SLC29A4: variants seen among roughly 807,000 people sequenced by gnomAD.
The protein encoded by SLC29A4 is equilibrative nucleoside transporter 4.
SLC29A4 carries 36 observed loss-of-function variants against 43.9 expected under a neutral mutation model. The observed-to-expected ratio is 0.82, with a 90% CI of 0.63 to 1.08. The LOEUF (loss-of-function observed/expected upper bound fraction) is 1.08, where lower values mean the gene tolerates loss of function less well. SLC29A4 is among the 50% of genes least tolerant of loss of function. The pLI, the probability that SLC29A4 is intolerant of heterozygous loss-of-function variation, is 0.00. For missense variants in SLC29A4, 869 were observed against 755.3 expected (o/e 1.15, Z -1.77); for synonymous variants, 491 against 338.0 (o/e 1.45, Z -4.97).
rs1338478731 is a variant in SLC29A4 at position 5,305,893 on chromosome 7, A to C, written c.*2954A>C. 1 of 147,274 alleles carries C rather than the reference A, an allele frequency of 6.8e-6. No homozygotes were observed. Among genetic ancestry groups the C allele is most frequent in the East Asian group, 2.0e-4 (1 of 4,920 alleles). 9.1% of individuals were successfully genotyped at this position (147,274 alleles called of 1,614,324 possible). A position where few individuals can be genotyped will look rare whatever the true frequency, so the allele number is the denominator to read the frequency against. On this transcript the variant is annotated 3_prime_UTR_variant, in exon 11 of 11. Transcript: ENST00000396872. The stretch of plus-strand genomic sequence containing the variant: ...AGATGGAATCTCGTTATGTCACCCC[A>C]GCTGGAGGGCAGTGGCACGATCTCA...
chr7:5,303,320 C>T lies in SLC29A4; in HGVS notation c.*381C>T. 6.8e-6 allele frequency: 2 copies of T among 295,092 alleles called. No individual in the cohort carries two copies. Among genetic ancestry groups the T allele is most frequent in the South Asian group, 7.3e-5 (2 of 27,506 alleles). The allele number at this position is 295,092 out of a possible 1,614,324, so 18.3% of individuals were successfully genotyped here. ...GAGTGTGCGCGCCCAGTGACTGCAC[C>T]CCGGCCCTCATCACCCACCGGCACT... On this transcript the variant is annotated 3_prime_UTR_variant, in exon 11 of 11. Coordinates refer to ENST00000396872, the MANE Select transcript of SLC29A4 (RefSeq NM_153247.4).
chr7:5,302,992 G>A lies in SLC29A4; in HGVS notation c.*53G>A, dbSNP rs937670280. The A allele has an allele frequency of 3.8e-6, 6 of 1,564,154 alleles. No homozygotes were observed. The East Asian group carries it at 1.2e-4, about 31-fold the overall frequency. On this transcript the variant is annotated 3_prime_UTR_variant, in exon 11 of 11. Coordinates refer to ENST00000396872, the MANE Select transcript of SLC29A4 (RefSeq NM_153247.4). ...CGAGGGCCTGACCAGGGGCCCCGAG[G>A]CCTGAGGGCCCCTCCCCTGTCCCCA...
chr7:5,285,926 C>G (rs145317623), intron 1 of SLC29A4, among the ~76,000 whole-genome samples: 37 of 152,282 alleles, frequency 2.4e-4, no homozygotes, highest in African/African-American at 8.9e-4. Flanking sequence ...GGGAGGATCA[C>G]TTCAGCCTGA....
Position 5,303,252 on chromosome 7 carries a change from T to C in SLC29A4, c.*313T>C. On this transcript the variant is annotated 3_prime_UTR_variant, in exon 11 of 11. Coordinates refer to ENST00000396872, the MANE Select transcript of SLC29A4 (RefSeq NM_153247.4). The stretch of plus-strand genomic sequence containing the variant: ...CCAGCCCAGCCAGCACTCTGCAGGG[T>C]CACACGCACCGTGTCCCCACCCAGG... The C allele has an allele frequency of 2.2e-6, 1 of 461,276 alleles. No homozygotes were observed. The highest frequency in any genetic ancestry group is 3.7e-5 in the Admixed American group (1 of 26,922). 28.6% of individuals were successfully genotyped at this position (461,276 alleles called of 1,614,324 possible). A position where few individuals can be genotyped will look rare whatever the true frequency, so the allele number is the denominator to read the frequency against.
chr7:5,291,973 C>G, intron 5 of SLC29A4, 152 bp downstream of exon 5: 3 of 1,077,366 alleles, frequency 2.8e-6, no homozygotes, highest in East Asian at 2.6e-5. Flanking sequence ...AGCGTGCACA[C>G]CGGCTCACAC....
chr7:5,305,719 G>A lies in SLC29A4; in HGVS notation c.*2780G>A, dbSNP rs13230004. On this transcript the variant is annotated 3_prime_UTR_variant, in exon 11 of 11. Transcript: ENST00000396872. ...ATTACAGGCATGTGCCACCATGCCCGGCTAATTTTGTGCTTTTAGTAGAGA... is the reference window on the plus strand; with the variant it reads ...ATTACAGGCATGTGCCACCATGCCCAGCTAATTTTGTGCTTTTAGTAGAGA... 23,976 of 151,526 alleles carry A rather than the reference G, an allele frequency of 0.16. 2,449 individuals are homozygous for A. The highest frequency in any genetic ancestry group is 0.26 in the Middle Eastern group (75 of 294). The allele number at this position is 151,526 out of a possible 1,614,324, so 9.4% of individuals were successfully genotyped here.
At chr7:5,292,918 C>T (rs1397386482) in intron 5 of SLC29A4, among the ~76,000 whole-genome samples, 3 of 151,190 alleles carry the variant, frequency 2.0e-5, no homozygotes, top group Non-Finnish European at 2.9e-5. Flanking sequence ...AGGCTGATTA[C>T]GAACTCCTGA....
intron 5 of SLC29A4, among the ~76,000 whole-genome samples, chr7:5,292,690 C>CTT (rs1056329272): frequency 0.018 from 1,240 of 67,408 alleles, 242 homozygotes; most frequent in African/African-American, 0.052. Flanking sequence ...CATTTTTTTC[C>CTT]TTTTTTTTTT....
Position 5,300,682 on chromosome 7 carries a change from G to A in SLC29A4, c.1450+20G>A, listed in dbSNP as rs1786098932. On this transcript the variant is annotated intron_variant, in intron 10 of 10. Coordinates refer to ENST00000396872, the MANE Select transcript of SLC29A4 (RefSeq NM_153247.4). ...TGGCAGGTGAGGCCCGCGGGACGTGGGGGTGGGGGCGTCCTCCCAGCAGCG... is the reference window on the plus strand; with the variant it reads ...TGGCAGGTGAGGCCCGCGGGACGTGAGGGTGGGGGCGTCCTCCCAGCAGCG... The A allele has an allele frequency of 6.2e-7, 1 of 1,601,388 alleles. No individual in the cohort carries two copies. The highest frequency in any genetic ancestry group is 2.2e-5 in the East Asian group (1 of 44,816).
At chr7:5,284,479 G>A (rs1054330066) in intron 1 of SLC29A4, among the ~76,000 whole-genome samples, 1 of 152,232 alleles carries the variant, frequency 6.6e-6, no homozygotes, top group African/African-American at 2.4e-5. Flanking sequence ...CTTCTCAAGG[G>A]CCCCCTGGGT....
chr7:5,292,901 G>T (rs1174256617), intron 5 of SLC29A4, among the ~76,000 whole-genome samples: 2 of 150,830 alleles, frequency 1.3e-5, no homozygotes, highest in African/African-American at 4.9e-5. Flanking sequence ...GTTTCACCAT[G>T]TTCCTCAGGC....
At position 5,303,188 on chromosome 7, in the gene SLC29A4, C is replaced by T; in HGVS notation, c.*249C>T. Reference sequence around the variant, plus strand: ...ACTGTGTTCTGCGTTTGGTCTCATACCTGCGTCTACCTTCCATCTGTGTCC... The same window carrying T: ...ACTGTGTTCTGCGTTTGGTCTCATATCTGCGTCTACCTTCCATCTGTGTCC... On this transcript the variant is annotated 3_prime_UTR_variant, in exon 11 of 11. Transcript: ENST00000396872. 2 of 570,848 alleles carry T rather than the reference C, an allele frequency of 3.5e-6. No individual in the cohort carries two copies. The highest frequency in any genetic ancestry group is 4.4e-5 in the South Asian group (2 of 45,962). 35.4% of individuals were successfully genotyped at this position (570,848 alleles called of 1,614,324 possible). A position where few individuals can be genotyped will look rare whatever the true frequency, so the allele number is the denominator to read the frequency against.
At position 5,291,484 on chromosome 7, in the gene SLC29A4, G is replaced by C. The variant is rs530866941; in HGVS notation, c.416-209G>C. 9.2e-5 allele frequency among the ~76,000 whole-genome samples: 14 copies of C among 152,334 alleles called. No individual in the cohort carries two copies. In the East Asian group the frequency reaches 2.7e-3, roughly 29 times the overall value. On this transcript the variant is annotated intron_variant, in intron 4 of 10. Coordinates refer to ENST00000396872, the MANE Select transcript of SLC29A4 (RefSeq NM_153247.4). ...TTCTTCCTTTCCCATTCCTCTGCAC[G>C]GCAACATCCAGCTTCAAGGCCCGGC... is the stretch of plus-strand genomic sequence containing the variant.
chr7:5,283,896 G>A (rs1416142096), intron 1 of SLC29A4, among the ~76,000 whole-genome samples: 1 of 152,172 alleles, frequency 6.6e-6, no homozygotes, highest in Non-Finnish European at 1.5e-5. Context: ...CGCGGCCCCC[G>A]AGTGAGGCCA....
chr7:5,302,759 C>A, intron 10 of SLC29A4, 38 bp from the exon 11 acceptor site: 1 of 1,534,728 alleles, frequency 6.5e-7, no homozygotes, highest in Non-Finnish European at 8.8e-7. Context: ...CAGGTGGCCG[C>A]CCTGGCCCTG....
Position 5,291,758 on chromosome 7 carries a change from T to C in SLC29A4, c.481T>C (p.Ser161Pro). 1 of 1,611,974 alleles carries C rather than the reference T, an allele frequency of 6.2e-7. No homozygotes were observed. Among genetic ancestry groups the C allele is most frequent in the Non-Finnish European group, 8.5e-7 (1 of 1,179,818 alleles). The change falls in exon 5 of 11, where the codon TCT becomes CCT. Residue 161 changes from serine (S) to proline (P), a missense_variant. Coordinates refer to ENST00000396872, the MANE Select transcript of SLC29A4 (RefSeq NM_153247.4). ...SICDVWLQLF[S>P]RDQAYAINLA... ...CTGCGACGTGTGGCTGCAGCTCTTCTCTCGGGACCAGGCCTACGCCATCAA... is the reference window on the plus strand; with the variant it reads ...CTGCGACGTGTGGCTGCAGCTCTTCCCTCGGGACCAGGCCTACGCCATCAA...
chr7:5,288,038 G>T, intron 2 of SLC29A4, 53 bp downstream of exon 2: 3 of 1,547,806 alleles, frequency 1.9e-6, no homozygotes, highest in South Asian at 2.5e-5. Context: ...AGGCTGGGCT[G>T]TGTGACCCCC....
intron 7 of SLC29A4, among the ~76,000 whole-genome samples, chr7:5,298,314 C>T (rs947124430): frequency 6.6e-6 from 1 of 152,086 alleles, no homozygotes; most frequent in African/African-American, 2.4e-5. Context: ...AAGACCTGAC[C>T]CACAGGAAGC....
Position 5,306,203 on chromosome 7 carries a change from T to G in SLC29A4, c.*3264T>G, listed in dbSNP as rs1372228317. 1 of 141,908 alleles carries G rather than the reference T, an allele frequency of 7.0e-6. No individual in the cohort carries two copies. The highest frequency in any genetic ancestry group is 1.5e-5 in the Non-Finnish European group (1 of 65,216). 8.8% of individuals were successfully genotyped at this position (141,908 alleles called of 1,614,324 possible). ...ATTTGTTCAATTTCTTTTTTTTTTTTTTTTTTTTTTTTTGAGACAATCTCT... is the reference window on the plus strand; with the variant it reads ...ATTTGTTCAATTTCTTTTTTTTTTTGTTTTTTTTTTTTTGAGACAATCTCT... On this transcript the variant is annotated 3_prime_UTR_variant, in exon 11 of 11. Coordinates refer to ENST00000396872, the MANE Select transcript of SLC29A4 (RefSeq NM_153247.4).
Sources: gnomAD v4.1 joint callset for allele counts (sites outside exome capture counted in the v4.1 genomes callset) on GRCh38, gnomAD v4.1.1 for gene constraint, MANE v1.5 for transcripts, NCBI Gene and HGNC (gene_info 2026-07-23, HGNC 2026-07-21) for gene names.